LCAT: variants seen among roughly 807,000 people sequenced by gnomAD.
LCAT encodes the protein phosphatidylcholine-sterol acyltransferase.
A neutral mutation model predicts 41.0 loss-of-function variants in LCAT; 15 were observed. The observed-to-expected ratio is 0.37, with a 90% CI of 0.24 to 0.56. The LOEUF is 0.56. Ranked by LOEUF, LCAT falls within the 20% of genes least tolerant of loss-of-function variation. LCAT has a pLI of 0.81. For synonymous variants in LCAT, 248 were observed against 245.4 expected, an observed-to-expected ratio of 1.01 and a Z score of -0.10; for missense variants, 449 against 595.1, an observed-to-expected ratio of 0.75 and a Z score of 2.55.
At position 67,939,795 on chromosome 16, in the gene LCAT, A is replaced by C. The variant is rs2058282230; in HGVS notation, c.*109T>G. The C allele has an allele frequency of 3.9e-6, 6 of 1,534,560 alleles. No homozygotes were observed. The South Asian group carries it at 7.6e-5, about 19-fold the overall frequency. ...CAGAGCCCATCTTGCCTCACTGCAC[A>C]CAGCACTGAGCCTGTGGCTGGTGAG... On this transcript the variant is annotated 3_prime_UTR_variant, in exon 6 of 6. Transcript: ENST00000264005.
At position 67,942,952 on chromosome 16, in the gene LCAT, C is replaced by T. The variant is rs775764410; in HGVS notation, c.336G>A (p.Gly112=). The change falls in exon 3 of 6, where the codon GGG becomes GGA. Residue 112 remains glycine (G), a synonymous_variant. Transcript: ENST00000264005. This position sits in a 1 kb window ranked among gnomAD's most constrained non-coding sequence, Gnocchi z 6.6. ...NTRVVYNRSS[G]LVSNAPGVQI... is the part of the protein sequence containing the mutation. ...GGACACCAGGGGCGTTGGACACGAGCCCAGAGCTCCGGTTGTAGACAACCC... is the reference window on the plus strand; with the variant it reads ...GGACACCAGGGGCGTTGGACACGAGTCCAGAGCTCCGGTTGTAGACAACCC... 4.2e-5 allele frequency: 68 copies of T among 1,613,754 alleles called. No individual in the cohort carries two copies. Among genetic ancestry groups the T allele is most frequent in the Non-Finnish European group, 5.3e-5 (62 of 1,179,990 alleles).
At chr16:67,941,307 A>C (rs2058289372) in intron 5 of LCAT, 2 of 151,060 alleles carry the variant, frequency 1.3e-5, no homozygotes, top group African/African-American at 4.9e-5. Flanking sequence ...CCATCTCAAA[A>C]TACATAAATA....
chr16:67,942,259 T>C lies in LCAT; in HGVS notation c.748+104A>G. On this transcript the variant is annotated intron_variant, in intron 5 of 5. Transcript: ENST00000264005. The surrounding 1 kb of genome is among the most constrained non-coding windows in gnomAD (Gnocchi z 6.6). ...AGCATGCCAGCCCAGGAGTGGTAGA[T>C]AGCACCCCTAGAGGCCACTGTGAGC... The C allele has an allele frequency of 7.4e-7, 1 of 1,346,100 alleles. No homozygotes were observed. The highest frequency in any genetic ancestry group is 1.0e-6 in the Non-Finnish European group (1 of 959,182). 83.4% of individuals were successfully genotyped at this position (1,346,100 alleles called of 1,614,324 possible). A position where few individuals can be genotyped will look rare whatever the true frequency, so the allele number is the denominator to read the frequency against.
rs753354818 is a variant in LCAT at position 67,942,046 on chromosome 16, C to T, written c.748+317G>A. 91 of 1,266,426 alleles carry T rather than the reference C, an allele frequency of 7.2e-5. No individual in the cohort carries two copies. Among genetic ancestry groups the T allele is most frequent in the Middle Eastern group, 3.4e-4 (1 of 2,984 alleles). 78.4% of individuals were successfully genotyped at this position (1,266,426 alleles called of 1,614,324 possible). On this transcript the variant is annotated intron_variant, in intron 5 of 5. Coordinates refer to ENST00000264005, the MANE Select transcript of LCAT (RefSeq NM_000229.2). The surrounding 1 kb of genome is among the most constrained non-coding windows in gnomAD (Gnocchi z 6.6). ...ACATCCCTGGGCAAAGGCACTCCTG[C>T]GAGCAAGTGGAAGGCAGGCAAGGGC...
In LCAT at chr16:67,943,901, C is replaced by A. The variant is rs1371064499; in HGVS notation, c.154+47G>T. On this transcript the variant is annotated intron_variant, in intron 1 of 5. Coordinates refer to ENST00000264005, the MANE Select transcript of LCAT (RefSeq NM_000229.2). The surrounding 1 kb of genome is among the most constrained non-coding windows in gnomAD (Gnocchi z 4.6). The stretch of plus-strand genomic sequence containing the variant: ...CAGCTGCCAGGGGCTGGGGCCCAGG[C>A]TCCCCAGGGTCTGGCGTGGTGCATC... 7 of 1,486,394 alleles carry A rather than the reference C, an allele frequency of 4.7e-6. No homozygotes were observed. Among genetic ancestry groups the A allele is most frequent in the African/African-American group, 1.4e-5 (1 of 71,638 alleles). 92.1% of individuals were successfully genotyped at this position (1,486,394 alleles called of 1,614,324 possible). A position where few individuals can be genotyped will look rare whatever the true frequency, so the allele number is the denominator to read the frequency against.
In LCAT at chr16:67,943,824, G is replaced by A; in HGVS notation, c.154+124C>T. 3.3e-6 allele frequency: 3 copies of A among 919,552 alleles called. No homozygotes were observed. The highest frequency in any genetic ancestry group is 4.9e-6 in the Non-Finnish European group (3 of 617,536). The allele number at this position is 919,552 out of a possible 1,614,324, so 57.0% of individuals were successfully genotyped here. On this transcript the variant is annotated intron_variant, in intron 1 of 5. Transcript: ENST00000264005. This position sits in a 1 kb window ranked among gnomAD's most constrained non-coding sequence, Gnocchi z 4.6. ...AAGCTTTTGGCCCCTCCCCACACCA[G>A]GGCAGGTACTTATGTCGGGGCTTAT...
Position 67,943,271 on chromosome 16 carries a change from C to T in LCAT, c.155-59G>A. 2 of 1,580,708 alleles carry T rather than the reference C, an allele frequency of 1.3e-6. No individual in the cohort carries two copies. Among genetic ancestry groups the T allele is most frequent in the Non-Finnish European group, 1.7e-6 (2 of 1,157,690 alleles). ...TTCCCCCCGTGACCCTTACCCCCGT[C>T]ACCCCAGATGCTGCAGTGACCAGAC... On this transcript the variant is annotated intron_variant, in intron 1 of 5. Coordinates refer to ENST00000264005, the MANE Select transcript of LCAT (RefSeq NM_000229.2). This position sits in a 1 kb window ranked among gnomAD's most constrained non-coding sequence, Gnocchi z 4.6.
chr16:67,942,376 C>T lies in LCAT; in HGVS notation c.735G>A (p.Leu245=). The T allele has an allele frequency of 6.2e-7, 1 of 1,613,880 alleles. No homozygotes were observed. The highest frequency in any genetic ancestry group is 8.5e-7 in the Non-Finnish European group (1 of 1,179,982). The change falls in exon 5 of 6, where the codon CTG becomes CTA. Residue 245 remains leucine (L), a synonymous_variant. Transcript: ENST00000264005. The surrounding 1 kb of genome is among the most constrained non-coding windows in gnomAD (Gnocchi z 6.6). ...APWGGSIKPM[L]VLASGDNQGI... ...AGGCCTTCTCACCTGAGGCCAAGAC[C>T]AGCATGGGCTTGATGGAGCCACCCC...
In LCAT at chr16:67,943,965, G is replaced by T; in HGVS notation, c.137C>A (p.Thr46Lys). 6.5e-7 allele frequency: 1 copy of T among 1,547,920 alleles called. No individual in the cohort carries two copies. Among genetic ancestry groups the T allele is most frequent in the East Asian group, 2.4e-5 (1 of 40,854 alleles). The change falls in exon 1 of 6, where the codon ACA (threonine) becomes AAA (lysine). Residue 46 changes from threonine (T) to lysine (K), a missense_variant. By Grantham distance (78) the Thr-to-Lys change is moderately conservative. Coordinates refer to ENST00000264005, the MANE Select transcript of LCAT (RefSeq NM_000229.2). This position sits in a 1 kb window ranked among gnomAD's most constrained non-coding sequence, Gnocchi z 4.6. ...TTPKAELSNH[T>K]RPVILVPGCL... ...GGGCTTACCGAGGATGACGGGCCGT[G>T]TGTGGTTACTGAGCTCAGCCTTGGG...
At position 67,943,425 on chromosome 16, in the gene LCAT, T is replaced by A; in HGVS notation, c.155-213A>T. ...GGCTTCCCTGAGGAAGGGAAGGCGC[T>A]GAGGTGCTGAGGCCAAGGCCGCTGA... is the stretch of plus-strand genomic sequence containing the variant. On this transcript the variant is annotated intron_variant, in intron 1 of 5. Transcript: ENST00000264005. The surrounding 1 kb of genome is among the most constrained non-coding windows in gnomAD (Gnocchi z 4.6). The A allele has an allele frequency of 3.5e-6, 2 of 574,410 alleles. No individual in the cohort carries two copies. The highest frequency in any genetic ancestry group is 3.2e-6 in the Non-Finnish European group (1 of 314,560). 35.6% of individuals were successfully genotyped at this position (574,410 alleles called of 1,614,324 possible). A position where few individuals can be genotyped will look rare whatever the true frequency, so the allele number is the denominator to read the frequency against.
At position 67,943,247 on chromosome 16, in the gene LCAT, T is replaced by TC. The variant is rs1232331768; in HGVS notation, c.155-36dup. 2.5e-6 allele frequency: 4 copies of TC among 1,608,688 alleles called. No homozygotes were observed. The highest frequency in any genetic ancestry group is 3.4e-6 in the Non-Finnish European group (4 of 1,178,658). ...GCAGCCCTCACTCTGGACTCTGGAT[T>TC]CCCCCCGTGACCCTTACCCCCGTCA... On this transcript the variant is annotated intron_variant, in intron 1 of 5. Coordinates refer to ENST00000264005, the MANE Select transcript of LCAT (RefSeq NM_000229.2). This position sits in a 1 kb window ranked among gnomAD's most constrained non-coding sequence, Gnocchi z 4.6.
Position 67,942,289 on chromosome 16 carries a change from G to A in LCAT, c.748+74C>T. ...CCCCTAGAGGCCACTGTGAGCAGGA[G>A]CCGCAATGAAGGCAGGCCCAGGATC... On this transcript the variant is annotated intron_variant, in intron 5 of 5. Transcript: ENST00000264005. This position sits in a 1 kb window ranked among gnomAD's most constrained non-coding sequence, Gnocchi z 6.6. 1 of 1,500,190 alleles carries A rather than the reference G, an allele frequency of 6.7e-7. No homozygotes were observed. The highest frequency in any genetic ancestry group is 9.2e-7 in the Non-Finnish European group (1 of 1,084,966). 92.9% of individuals were successfully genotyped at this position (1,500,190 alleles called of 1,614,324 possible). A position where few individuals can be genotyped will look rare whatever the true frequency, so the allele number is the denominator to read the frequency against.
Position 67,940,293 on chromosome 16 carries a change from C to T in LCAT, c.934G>A (p.Glu312Lys), listed in dbSNP as rs777417745. Reference protein sequence around the residue: ...FQRFFADLHFEEGWYMWLQSR... With the variant: ...FQRFFADLHFKEGWYMWLQSR... ...TGCAGCCACATGTACCAGCCTTCCT[C>T]AAAGTGCAGGTCTGCAAAGAAGCGT... is the stretch of plus-strand genomic sequence containing the variant. The change falls in exon 6 of 6, where the codon GAG becomes AAG. Residue 312 changes from glutamate (E) to lysine (K), a missense_variant. Coordinates refer to ENST00000264005, the MANE Select transcript of LCAT (RefSeq NM_000229.2). 6.2e-6 allele frequency: 10 copies of T among 1,613,982 alleles called. No individual in the cohort carries two copies. Among genetic ancestry groups the T allele is most frequent in the Non-Finnish European group, 8.5e-6 (10 of 1,180,036 alleles).
chr16:67,941,459 T>TA (rs1195988360), intron 5 of LCAT: 1 of 199,964 alleles, frequency 5.0e-6, no homozygotes, highest in Non-Finnish European at 8.9e-6. Flanking sequence ...TCATCTCTAC[T>TA]AAAAAACAAA....
intron 5 of LCAT, 151 bp from the exon 6 acceptor site, chr16:67,940,629 T>C: frequency 7.8e-7 from 1 of 1,277,528 alleles, no homozygotes; most frequent in African/African-American, 1.5e-5. Flanking sequence ...GGCCTGATAT[T>C]CAATGATGCT....
intron 5 of LCAT, chr16:67,941,522 G>A (rs2058290294): frequency 5.7e-6 from 3 of 526,038 alleles, no homozygotes; most frequent in Non-Finnish European, 7.3e-6. Flanking sequence ...CCAGGAGGCT[G>A]AGGCAGGAGG....
In LCAT at chr16:67,942,827, G is replaced by C. The variant is rs1452868097; in HGVS notation, c.427+34C>G. On this transcript the variant is annotated intron_variant, in intron 3 of 5. Coordinates refer to ENST00000264005, the MANE Select transcript of LCAT (RefSeq NM_000229.2). This position sits in a 1 kb window ranked among gnomAD's most constrained non-coding sequence, Gnocchi z 6.6. ...ATGCCTGCTGTGGGCCAGCACCCAG[G>C]CCTGGAGCCCCAGCCCTGCCCTCTG... 6.2e-7 allele frequency: 1 copy of C among 1,612,630 alleles called. No homozygotes were observed. The highest frequency in any genetic ancestry group is 8.5e-7 in the Non-Finnish European group (1 of 1,179,478).
Position 67,942,801 on chromosome 16 carries a change from C to T in LCAT, c.428-35G>A. On this transcript the variant is annotated intron_variant, in intron 3 of 5. Transcript: ENST00000264005. This position sits in a 1 kb window ranked among gnomAD's most constrained non-coding sequence, Gnocchi z 6.6. ...GACCAGCAGCACCGGGGGCTTGGGC[C>T]ATGCCTGCTGTGGGCCAGCACCCAG... 6.2e-7 allele frequency: 1 copy of T among 1,612,644 alleles called. No individual in the cohort carries two copies. The highest frequency in any genetic ancestry group is 8.5e-7 in the Non-Finnish European group (1 of 1,179,618).
At position 67,939,754 on chromosome 16, in the gene LCAT, C is replaced by A; in HGVS notation, c.*150G>T. ...AGCTGTACATCTAGGGTGCCCAGCT[C>A]AGTCCCAGGCCTCAGCAGAGCCCAT... On this transcript the variant is annotated 3_prime_UTR_variant, in exon 6 of 6. Transcript: ENST00000264005. 7.3e-7 allele frequency: 1 copy of A among 1,363,956 alleles called. No homozygotes were observed. The highest frequency in any genetic ancestry group is 9.9e-7 in the Non-Finnish European group (1 of 1,009,942). 84.5% of individuals were successfully genotyped at this position (1,363,956 alleles called of 1,614,324 possible).
Sources: gnomAD v4.1 joint callset for allele counts on GRCh38, gnomAD v4.1.1 for gene constraint, Gnocchi (gnomAD v3.1) non-coding constraint, MANE v1.5 for transcripts, NCBI Gene and HGNC (gene_info 2026-07-23, HGNC 2026-07-21) for gene names.